SLCO3A1: variants seen among roughly 807,000 people sequenced by gnomAD.
SLCO3A1 encodes the protein PGE1 transporter.
Under a neutral mutation model 63.1 loss-of-function variants are expected in SLCO3A1, and 27 were observed. The observed-to-expected ratio is 0.43, with a 90% confidence interval of 0.32 to 0.59. The LOEUF (loss-of-function observed/expected upper bound fraction) is 0.59, where lower values mean the gene tolerates loss of function less well. SLCO3A1 is among the 20% of genes least tolerant of loss of function. SLCO3A1 has a pLI of 0.09. For synonymous variants in SLCO3A1, 473 were observed against 409.9 expected (o/e 1.15, Z -1.86); for missense variants, 773 against 945.8 (o/e 0.82, Z 2.40).
At chr15:92,083,528 C>T (rs752424131) in intron 2 of SLCO3A1, among the ~76,000 whole-genome samples, 5 of 152,178 alleles carry the variant, frequency 3.3e-5, no homozygotes, top group Admixed American at 6.5e-5. Flanking sequence ...CTTGCAGTTC[C>T]GTTCTATCAG....
intron 2 of SLCO3A1, among the ~76,000 whole-genome samples, chr15:91,956,985 A>ATT (rs1297821954): frequency 2.4e-4 from 4 of 16,566 alleles, no homozygotes; most frequent in African/African-American, 1.5e-3. Context: ...TAGTATATAT[A>ATT]ATATATAGTA....
intron 7 of SLCO3A1, among the ~76,000 whole-genome samples, chr15:92,137,565 G>T (rs1405501055): frequency 4.6e-5 from 5 of 108,004 alleles, no homozygotes; most frequent in South Asian, 5.3e-4. Flanking sequence ...TTCCACAATG[G>T]TTGAACTAGT....
At chr15:92,101,524 T>A (rs1219676057) in intron 3 of SLCO3A1, among the ~76,000 whole-genome samples, 9 of 151,190 alleles carry the variant, frequency 6.0e-5, no homozygotes, top group Non-Finnish European at 1.0e-4. Context: ...AAAAAAAAAA[T>A]TAGTATTTGT....
intron 1 of SLCO3A1, among the ~76,000 whole-genome samples, chr15:91,879,339 A>G (rs1897492256): frequency 6.7e-6 from 1 of 148,378 alleles, no homozygotes; most frequent in Non-Finnish European, 1.5e-5. Flanking sequence ...TGCATTTTCT[A>G]CTTTGAAGCA....
At chr15:92,110,729 G>A (rs528269525) in intron 4 of SLCO3A1, among the ~76,000 whole-genome samples, 1 of 152,218 alleles carries the variant, frequency 6.6e-6, no homozygotes, top group Non-Finnish European at 1.5e-5. Flanking sequence ...AGGGACTGCA[G>A]TTGTTTTTTC....
chr15:92,015,593 AT>A (rs981439919), intron 2 of SLCO3A1, among the ~76,000 whole-genome samples: 2 of 152,024 alleles, frequency 1.3e-5, no homozygotes, highest in Admixed American at 6.5e-5. Flanking sequence ...GCCAAACCAT[AT>A]TGGGTTTAGG....
intron 2 of SLCO3A1, among the ~76,000 whole-genome samples, chr15:91,957,330 A>G (rs191752519): frequency 4.7e-5 from 7 of 148,834 alleles, no homozygotes; most frequent in African/African-American, 1.0e-4. Flanking sequence ...TCAGCCGCCA[A>G]TGTGGTCTCA....
chr15:91,926,596 T>TGTGCGTGCGC, intron 2 of SLCO3A1, among the ~76,000 whole-genome samples: 1 of 105,256 alleles, frequency 9.5e-6, no homozygotes, highest in Non-Finnish European at 2.1e-5. Context: ...TGTGTGTGTG[T>TGTGCGTGCGC]GCGCGCGCGC....
chr15:91,909,575 G>C (rs1299111056), intron 1 of SLCO3A1, among the ~76,000 whole-genome samples: 1 of 152,194 alleles, frequency 6.6e-6, no homozygotes, highest in African/African-American at 2.4e-5. Context: ...TGAGTGTGCA[G>C]TTTGAGGGTA....
intron 2 of SLCO3A1, among the ~76,000 whole-genome samples, chr15:92,051,760 G>A (rs981995584): frequency 6.6e-5 from 10 of 152,166 alleles, no homozygotes; most frequent in African/African-American, 2.4e-4. Flanking sequence ...GAAATCAGCA[G>A]ATTAACTCTT....
intron 2 of SLCO3A1, among the ~76,000 whole-genome samples, chr15:91,993,976 G>T (rs376555039): frequency 6.6e-5 from 10 of 152,308 alleles, no homozygotes; most frequent in African/African-American, 1.7e-4. Flanking sequence ...CTTGGAAGCA[G>T]GTCTTCCAGC....
At chr15:91,878,017 A>G (rs1312907024) in intron 1 of SLCO3A1, among the ~76,000 whole-genome samples, 1 of 151,720 alleles carries the variant, frequency 6.6e-6, no homozygotes, top group Non-Finnish European at 1.5e-5. Context: ...TGCTGACAAC[A>G]TGAGGCAAGA....
At chr15:91,971,455 A>G (rs1900867477) in intron 2 of SLCO3A1, among the ~76,000 whole-genome samples, 1 of 149,648 alleles carries the variant, frequency 6.7e-6, no homozygotes, top group East Asian at 2.0e-4. Flanking sequence ...GTAAACAAGT[A>G]TCCTTTTTGT....
At chr15:92,147,412 G>A (rs2048242031) in intron 8 of SLCO3A1, among the ~76,000 whole-genome samples, 1 of 152,134 alleles carries the variant, frequency 6.6e-6, no homozygotes, top group Non-Finnish European at 1.5e-5. Flanking sequence ...CCTGCAGGCA[G>A]TTTTGAAAAG....
At chr15:92,070,370 C>T (rs1185121515) in intron 2 of SLCO3A1, among the ~76,000 whole-genome samples, 7 of 152,176 alleles carry the variant, frequency 4.6e-5, no homozygotes, top group Non-Finnish European at 5.9e-5. Context: ...GGGTCGGGTG[C>T]GGTGGCTTAC....
intron 2 of SLCO3A1, among the ~76,000 whole-genome samples, chr15:92,059,331 C>G (rs941079101): frequency 2.0e-5 from 3 of 152,200 alleles, no homozygotes; most frequent in Non-Finnish European, 2.9e-5. Flanking sequence ...TTCTCTCTGC[C>G]CTCAGGCAGG....
At position 92,147,477 on chromosome 15, in the gene SLCO3A1, C is replaced by T. The variant is rs1454397465; in HGVS notation, c.1688+318C>T. Reference sequence around the variant, plus strand: ...CCTCGTTGGAGGAAAATGAAAGTGGCGTCAGTGCCCAGCCCCCACCACCCT... The same window carrying T: ...CCTCGTTGGAGGAAAATGAAAGTGGTGTCAGTGCCCAGCCCCCACCACCCT... On this transcript the variant is annotated intron_variant, in intron 8 of 9. Transcript: ENST00000318445. Among the ~76,000 whole-genome samples the T allele has an allele frequency of 5.3e-5, 8 of 152,172 alleles. No homozygotes were observed. In the East Asian group the frequency reaches 1.5e-3, roughly 29 times the overall value.
chr15:91,889,023 A>G (rs2151354993), intron 1 of SLCO3A1: 1 of 535,036 alleles, frequency 1.9e-6, no homozygotes, highest in East Asian at 9.9e-5. Context: ...AAAAAAAAGA[A>G]AAGAAAAACC....
chr15:92,088,713 C>A (rs1317451610), intron 2 of SLCO3A1, among the ~76,000 whole-genome samples: 1 of 152,188 alleles, frequency 6.6e-6, no homozygotes, highest in Non-Finnish European at 1.5e-5. Flanking sequence ...ATCTTCAAAG[C>A]CAGCATGACT....
Sources: allele counts gnomAD v4.1 joint callset (sites outside exome capture counted in the v4.1 genomes callset), GRCh38; gene constraint gnomAD v4.1.1; transcripts MANE v1.5; gene names NCBI Gene and HGNC (gene_info 2026-07-23, HGNC 2026-07-21).